The following AFF2 variants were observed in gnomAD, a reference collection of about 807,000 sequenced individuals.
AFF2 encodes the protein AF4/FMR2 family member 2.
In AFF2, 14 loss-of-function variants were observed where a neutral mutation model predicts 76.9. That is an observed-to-expected ratio of 0.18 (90% CI 0.12 to 0.28). The LOEUF is 0.28. Ranked by LOEUF, AFF2 falls within the 10% of genes least tolerant of loss-of-function variation. The pLI is 1.00. For synonymous variants in AFF2, 398 were observed against 366.7 expected, an observed-to-expected ratio of 1.09 and a Z score of -0.98; for missense variants, 868 against 1,001.1, an observed-to-expected ratio of 0.87 and a Z score of 1.79.
intron 3 of AFF2, among the ~76,000 whole-genome samples, chrX:148,751,465 G>C (rs2055498045): frequency 8.9e-6 from 1 of 112,302 alleles, no homozygotes; most frequent in Middle Eastern, 4.2e-3. Flanking sequence ...TTCCAGATTT[G>C]TAAACAGTTA....
intron 1 of AFF2, among the ~76,000 whole-genome samples, chrX:148,508,556 A>G (rs2052448985): frequency 2.7e-5 from 3 of 111,655 alleles, no homozygotes; most frequent in African/African-American, 9.8e-5. Flanking sequence ...GGTCATTTTA[A>G]CCTGTAGACT....
intron 19 of AFF2, among the ~76,000 whole-genome samples, chrX:148,983,939 C>A (rs2072426362): frequency 2.0e-4 from 1 of 4,988 alleles, no homozygotes; most frequent in African/African-American, 2.4e-4. Context: ...AAGTATGGCA[C>A]AGAGTGAAAT....
intron 7 of AFF2, among the ~76,000 whole-genome samples, chrX:148,849,982 A>G (rs1031388688): frequency 6.3e-5 from 7 of 111,159 alleles, no homozygotes; most frequent in Non-Finnish European, 1.3e-4. Flanking sequence ...TTAGATCTAA[A>G]TATTATAACT....
intron 1 of AFF2, among the ~76,000 whole-genome samples, chrX:148,577,359 G>A (rs2053301501): frequency 8.9e-6 from 1 of 112,351 alleles, no homozygotes; most frequent in African/African-American, 3.2e-5. Context: ...CCAGTCTTCA[G>A]TAATGGTGTA....
At chrX:148,742,008 G>A (rs4269694) in intron 3 of AFF2, among the ~76,000 whole-genome samples, 11,568 of 111,419 alleles carry the variant, frequency 0.1, 566 homozygotes, top group Non-Finnish European at 0.16. Context: ...TGTCTCCCGG[G>A]TCCTGCAGGA....
At chrX:148,870,754 AAAT>A (rs782606597) in intron 7 of AFF2, among the ~76,000 whole-genome samples, 2 of 112,192 alleles carry the variant, frequency 1.8e-5, no homozygotes, top group East Asian at 5.6e-4. Context: ...GGGCTATTAA[AAAT>A]AACAAAAGGC....
intron 1 of AFF2, among the ~76,000 whole-genome samples, chrX:148,606,396 G>A (rs186536564): frequency 1.8e-5 from 2 of 110,177 alleles, no homozygotes; most frequent in African/African-American, 6.6e-5. Context: ...TCCTTTTTTT[G>A]ATAATTCAAT....
At chrX:148,699,024 A>T (rs1367209494) in intron 3 of AFF2, among the ~76,000 whole-genome samples, 1 of 111,770 alleles carries the variant, frequency 8.9e-6, no homozygotes, top group Non-Finnish European at 1.9e-5. Flanking sequence ...AACTTCTGAT[A>T]TGCCACTATT....
At chrX:148,708,106 ATTG>A (rs1471109559) in intron 3 of AFF2, among the ~76,000 whole-genome samples, 4 of 112,011 alleles carry the variant, frequency 3.6e-5, no homozygotes, top group Middle Eastern at 4.6e-3. Context: ...CAGTGTTTCA[ATTG>A]TTGTTTTTTA....
intron 3 of AFF2, among the ~76,000 whole-genome samples, chrX:148,737,598 A>T (rs782462813): frequency 9.9e-5 from 11 of 111,447 alleles, no homozygotes; most frequent in African/African-American, 3.6e-4. Flanking sequence ...ACCGATTTGG[A>T]TGCACTCTAT....
At chrX:148,516,423 G>T (rs1486746450) in intron 1 of AFF2, among the ~76,000 whole-genome samples, 1 of 111,472 alleles carries the variant, frequency 9.0e-6, no homozygotes, top group Non-Finnish European at 1.9e-5. Flanking sequence ...AAGATCAAAA[G>T]GCTAACAGGA....
At chrX:148,749,947 C>A (rs2055476194) in intron 3 of AFF2, among the ~76,000 whole-genome samples, 1 of 101,739 alleles carries the variant, frequency 9.8e-6, no homozygotes, top group Non-Finnish European at 2.0e-5. Flanking sequence ...GGCCTGCACC[C>A]TTTATTTATT....
intron 1 of AFF2, among the ~76,000 whole-genome samples, chrX:148,593,262 A>G (rs2053540155): frequency 8.9e-6 from 1 of 112,517 alleles, no homozygotes; most frequent in African/African-American, 3.2e-5. Context: ...TAATTAGTGT[A>G]TCATGGTTGC....
At chrX:148,579,299 T>C (rs192535566) in intron 1 of AFF2, among the ~76,000 whole-genome samples, 1 of 112,139 alleles carries the variant, frequency 8.9e-6, no homozygotes, top group Admixed American at 9.5e-5. Flanking sequence ...CCTCCGTATT[T>C]GTTACCAGAT....
chrX:148,674,815 A>G (rs1313993432), intron 3 of AFF2, among the ~76,000 whole-genome samples: 1 of 112,243 alleles, frequency 8.9e-6, no homozygotes, highest in Non-Finnish European at 1.9e-5. Flanking sequence ...GCCAAACCCA[A>G]TTGACATTCT....
intron 3 of AFF2, among the ~76,000 whole-genome samples, chrX:148,796,694 C>T (rs1267704240): frequency 1.8e-5 from 2 of 112,194 alleles, no homozygotes; most frequent in Admixed American, 9.4e-5. Flanking sequence ...GTCGCAAGAA[C>T]GCTTGATGTC....
intron 3 of AFF2, among the ~76,000 whole-genome samples, chrX:148,691,445 C>T (rs1159816909): frequency 8.1e-5 from 9 of 111,788 alleles, no homozygotes; most frequent in African/African-American, 9.8e-5. Flanking sequence ...TAGTCTAGAG[C>T]GGAGACACAT....
At chrX:148,963,657 G>A (rs1036641629) in intron 13 of AFF2, among the ~76,000 whole-genome samples, 6 of 111,996 alleles carry the variant, frequency 5.4e-5, no homozygotes, top group Admixed American at 9.5e-5. Context: ...TAACTTACAT[G>A]ATCATGGCTG....
chrX:148,670,758 T>C (rs782002853), intron 3 of AFF2, among the ~76,000 whole-genome samples: 3 of 112,055 alleles, frequency 2.7e-5, no homozygotes, highest in Non-Finnish European at 5.6e-5. Context: ...TCTCAATTCT[T>C]CTCTTGTAAC....
Sources: gnomAD v4.1 joint callset for allele counts (sites outside exome capture counted in the v4.1 genomes callset) on GRCh38, gnomAD v4.1.1 for gene constraint, MANE v1.5 for transcripts, NCBI Gene and HGNC (gene_info 2026-07-23, HGNC 2026-07-21) for gene names.